Variants in NR2F2 observed in about 807,000 individuals in gnomAD.
NR2F2 encodes the protein nuclear receptor subfamily 2 group F member 2.
NR2F2 carries 2 observed loss-of-function variants against 34.8 expected under a neutral mutation model. The ratio of observed to expected loss-of-function variants is 0.06; its 90% CI spans 0.02 to 0.18. NR2F2 has a LOEUF of 0.18. Among genes scored for constraint, NR2F2 ranks in the 10% least tolerant of loss-of-function variants. The pLI is 1.00. For synonymous variants in NR2F2, 274 were observed against 251.8 expected (o/e 1.09, Z -0.84); for missense variants, 300 against 580.1 (o/e 0.52, Z 4.96).
intron 2 of NR2F2, 111 bp from the exon 3 acceptor site, chr15:96,337,237 A>C (rs1185512890): frequency 1.6e-5 from 20 of 1,284,774 alleles, no homozygotes; most frequent in Non-Finnish European, 2.1e-5. Flanking sequence ...CTCTGTGCAC[A>C]CACCTCATGT....
At position 96,338,939 on chromosome 15, in the gene NR2F2, G is replaced by A. The variant is rs1377260770; in HGVS notation, c.*1317G>A. The A allele has an allele frequency of 6.7e-6, 1 of 150,366 alleles. No homozygotes were observed. Among genetic ancestry groups the A allele is most frequent in the African/African-American group, 2.5e-5 (1 of 40,792 alleles). 9.3% of individuals were successfully genotyped at this position (150,366 alleles called of 1,614,324 possible). ...ACTCCCCTCAGTCAGTTTGTTCAAA[G>A]GTGGACTACTGTATTTGCCTGTTTA... is the stretch of plus-strand genomic sequence containing the variant. On this transcript the variant is annotated 3_prime_UTR_variant, in exon 3 of 3. Coordinates refer to ENST00000394166, the MANE Select transcript of NR2F2 (RefSeq NM_021005.4).
In NR2F2 at chr15:96,339,190, T is replaced by A. The variant is rs752689646; in HGVS notation, c.*1568T>A. The A allele has an allele frequency of 4.6e-5, 7 of 152,284 alleles. No individual in the cohort carries two copies. Among genetic ancestry groups the A allele is most frequent in the Non-Finnish European group, 7.4e-5 (5 of 68,014 alleles). 9.4% of individuals were successfully genotyped at this position (152,284 alleles called of 1,614,324 possible). ...TTAGAAATCTTGAGATCAGTATCTATTTTATGATCAGAAAAAAATACTCTT... is the reference window on the plus strand; with the variant it reads ...TTAGAAATCTTGAGATCAGTATCTAATTTATGATCAGAAAAAAATACTCTT... On this transcript the variant is annotated 3_prime_UTR_variant, in exon 3 of 3. Coordinates refer to ENST00000394166, the MANE Select transcript of NR2F2 (RefSeq NM_021005.4).
chr15:96,331,555 C>G lies in NR2F2; in HGVS notation c.-551C>G, dbSNP rs1436860648. On this transcript the variant is annotated 5_prime_UTR_variant, in exon 1 of 3. Transcript: ENST00000394166. ...CGCCTCTCCTCCTCCTCTACCTCCT[C>G]CTTCACCACCACCTCCTCTTCCTCC... The G allele has an allele frequency of 8.1e-7, 1 of 1,227,250 alleles. No homozygotes were observed. The highest frequency in any genetic ancestry group is 1.0e-6 in the Non-Finnish European group (1 of 986,332). 76.0% of individuals were successfully genotyped at this position (1,227,250 alleles called of 1,614,324 possible). A position where few individuals can be genotyped will look rare whatever the true frequency, so the allele number is the denominator to read the frequency against.
upstream of NR2F2, chr15:96,326,055 T>G: frequency 1.8e-6 from 1 of 564,742 alleles, no homozygotes; most frequent in Non-Finnish European, 3.1e-6. The surrounding 1 kb of genome is among the most constrained non-coding windows in gnomAD (Gnocchi z 5.5). Flanking sequence ...CTAAAGTTAG[T>G]GTGCAGGGTT....
At chr15:96,330,128 C>T (rs377416106), upstream of NR2F2, among the ~76,000 whole-genome samples, 16 of 152,302 alleles carry the variant, frequency 1.1e-4, no homozygotes, top group East Asian at 2.1e-3. Context: ...ACTCCCTATC[C>T]CTCTGCAAAG....
chr15:96,328,764 CTTTTTTT>C (rs58051222), upstream of NR2F2, among the ~76,000 whole-genome samples: 1 of 138,748 alleles, frequency 7.2e-6, no homozygotes, highest in Non-Finnish European at 1.6e-5. Context: ...GTTTGCTGGG[CTTTTTTT>C]TTTTTTTTTA....
chr15:96,327,132 A>T (rs755777436), upstream of NR2F2: 4 of 151,942 alleles, frequency 2.6e-5, no homozygotes, highest in Admixed American at 6.6e-5. Flanking sequence ...AGACAGAGAG[A>T]AAGAAAAAGA....
At chr15:96,335,454 G>A (rs1899296839) in intron 2 of NR2F2, among the ~76,000 whole-genome samples, 1 of 152,220 alleles carries the variant, frequency 6.6e-6, no homozygotes, top group East Asian at 1.9e-4. Context: ...AAGGTGTCTG[G>A]CTTTCCATTT....
At chr15:96,327,454 T>A (rs2141162273), upstream of NR2F2, 1 of 152,332 alleles carries the variant, frequency 6.6e-6, no homozygotes, top group Admixed American at 6.5e-5. Flanking sequence ...CTTAAGCAAT[T>A]TTTTCCCTCC....
intron 1 of NR2F2, chr15:96,333,809 G>T (rs1453433068): frequency 1.4e-5 from 19 of 1,388,586 alleles, no homozygotes; most frequent in Non-Finnish European, 1.1e-5. Context: ...CCGAGGCAAG[G>T]TGGCCAATTC....
At chr15:96,327,803 G>A (rs1165184999), upstream of NR2F2, among the ~76,000 whole-genome samples, 1 of 152,188 alleles carries the variant, frequency 6.6e-6, no homozygotes, top group African/African-American at 2.4e-5. Context: ...GCCACTTTCT[G>A]CAAGAAAATT....
At position 96,337,295 on chromosome 15, in the gene NR2F2, TC is replaced by T; in HGVS notation, c.971-52del. The T allele has an allele frequency of 1.9e-6, 3 of 1,581,040 alleles. No homozygotes were observed. The Admixed American group carries it at 5.3e-5, about 28-fold the overall frequency. On this transcript the variant is annotated intron_variant, in intron 2 of 2. Coordinates refer to ENST00000394166, the MANE Select transcript of NR2F2 (RefSeq NM_021005.4). The stretch of plus-strand genomic sequence containing the variant: ...CTGATGACTGAATTCTTCTTCTTCT[TC>T]TTCTTCTTCTTTTTCTTCTTCTTCT...
Position 96,331,767 on chromosome 15 carries a change from C to T in NR2F2, c.-339C>T, listed in dbSNP as rs989531492. 2 of 1,168,272 alleles carry T rather than the reference C, an allele frequency of 1.7e-6. No homozygotes were observed. Among genetic ancestry groups the T allele is most frequent in the African/African-American group, 1.6e-5 (1 of 62,858 alleles). 72.4% of individuals were successfully genotyped at this position (1,168,272 alleles called of 1,614,324 possible). A position where few individuals can be genotyped will look rare whatever the true frequency, so the allele number is the denominator to read the frequency against. On this transcript the variant is annotated 5_prime_UTR_variant, in exon 1 of 3. Transcript: ENST00000394166. ...GCTCTCCCTCCCCTCCCTCTTTCTC[C>T]ACGTTCTGCTCCCACTCGCTCTCCT... is the stretch of plus-strand genomic sequence containing the variant.
rs758719602 is a variant in NR2F2 at position 96,334,227 on chromosome 15, C to T, written c.594C>T (p.Ser198=). 1.5e-5 allele frequency: 25 copies of T among 1,614,194 alleles called. No homozygotes were observed. The highest frequency in any genetic ancestry group is 2.1e-5 in the Non-Finnish European group (25 of 1,180,030). The change falls in exon 2 of 3, where the codon AGC becomes AGT. Residue 198 remains serine, a synonymous_variant. Coordinates refer to ENST00000394166, the MANE Select transcript of NR2F2 (RefSeq NM_021005.4). The part of the protein sequence containing the change: ...AEPYPTSRFG[S]QCMQPNNIMG... ...CCTATCCCACGTCGCGCTTCGGCAG[C>T]CAATGCATGCAGCCCAACAACATCA...
At chr15:96,326,060 A>G (rs553873202), upstream of NR2F2, 1 of 579,810 alleles carries the variant, frequency 1.7e-6, no homozygotes, top group Admixed American at 3.1e-5. This position sits in a 1 kb window ranked among gnomAD's most constrained non-coding sequence, Gnocchi z 5.5. Flanking sequence ...GTTAGTGTGC[A>G]GGGTTTTCCA....
At position 96,337,774 on chromosome 15, in the gene NR2F2, TCAA is replaced by T; in HGVS notation, c.*153_*155del. Reference sequence around the variant, plus strand: ...GGAAGAATTTAATGGACTGTGAATTTCAAAAAAAAAAAAAAAGACTGTCAAATG... The same window carrying T: ...GGAAGAATTTAATGGACTGTGAATTTAAAAAAAAAAAAAGACTGTCAAATG... On this transcript the variant is annotated 3_prime_UTR_variant, in exon 3 of 3. Transcript: ENST00000394166. 9.3e-6 allele frequency: 3 copies of T among 322,578 alleles called. No homozygotes were observed. The highest frequency in any genetic ancestry group is 1.4e-5 in the Non-Finnish European group (3 of 221,234). 20.0% of individuals were successfully genotyped at this position (322,578 alleles called of 1,614,324 possible).
intron 2 of NR2F2, among the ~76,000 whole-genome samples, chr15:96,336,371 A>G (rs1899327595): frequency 6.6e-6 from 1 of 152,170 alleles, no homozygotes; most frequent in South Asian, 2.1e-4. Context: ...CATTCTGTAG[A>G]CATGCAGAGT....
In NR2F2 at chr15:96,332,158, C is replaced by T; in HGVS notation, c.53C>T (p.Ser18Leu). Reference sequence around the variant, plus strand: ...GACCCCCAGGACGAGGTGCCCGGCTCACAGGGCAGCCAGGCCTCGCAGGCG... The same window carrying T: ...GACCCCCAGGACGAGGTGCCCGGCTTACAGGGCAGCCAGGCCTCGCAGGCG... Reference protein sequence around the residue: ...WRDPQDEVPGSQGSQASQAPP... With the variant: ...WRDPQDEVPGLQGSQASQAPP... Residue 18 changes from serine to leucine, a missense_variant, in exon 1 of 3, where the codon TCA becomes TTA. Transcript: ENST00000394166. 7.4e-7 allele frequency: 1 copy of T among 1,353,764 alleles called. No individual in the cohort carries two copies. The highest frequency in any genetic ancestry group is 9.5e-7 in the Non-Finnish European group (1 of 1,053,210). 83.9% of individuals were successfully genotyped at this position (1,353,764 alleles called of 1,614,324 possible). A position where few individuals can be genotyped will look rare whatever the true frequency, so the allele number is the denominator to read the frequency against.
intron 1 of NR2F2, 180 bp downstream of exon 1, chr15:96,332,727 T>G: frequency 7.4e-7 from 1 of 1,345,862 alleles, no homozygotes; most frequent in Non-Finnish European, 9.8e-7. Context: ...TCCGCATGCT[T>G]TGGCCGACTG....
Sources: gnomAD v4.1 joint callset for allele counts (sites outside exome capture counted in the v4.1 genomes callset) on GRCh38, gnomAD v4.1.1 for gene constraint, Gnocchi (gnomAD v3.1) non-coding constraint, MANE v1.5 for transcripts, NCBI Gene and HGNC (gene_info 2026-07-23, HGNC 2026-07-21) for gene names.